The following DGKB variants were observed in gnomAD, a reference collection of about 807,000 sequenced individuals.
DGKB encodes the protein diacylglycerol kinase beta.
A neutral mutation model predicts 114.3 loss-of-function variants in DGKB; 67 were observed. The observed-to-expected ratio is 0.59, with a 90% CI of 0.48 to 0.72. The LOEUF (loss-of-function observed/expected upper bound fraction) is 0.72. Ranked by LOEUF, DGKB falls within the 30% of genes least tolerant of loss-of-function variation. The pLI is 0.00. For missense variants in DGKB, 907 were observed against 975.2 expected (o/e 0.93, Z 0.93); for synonymous variants, 398 against 323.1 (o/e 1.23, Z -2.49).
At chr7:14,333,351 C>T (rs1810062660) in intron 23 of DGKB, among the ~76,000 whole-genome samples, 1 of 151,524 alleles carries the variant, frequency 6.6e-6, no homozygotes, top group Admixed American at 6.6e-5. Context: ...GTCCCAGCTA[C>T]TCTGGAGGCT....
intron 23 of DGKB, among the ~76,000 whole-genome samples, chr7:14,261,352 G>A (rs1475502012): frequency 6.6e-6 from 1 of 151,866 alleles, no homozygotes; most frequent in Non-Finnish European, 1.5e-5. Flanking sequence ...ATAATGTATA[G>A]GTGGCCTCTT....
Position 14,658,940 on chromosome 7 carries a change from A to C in DGKB, c.1134+13989T>G, listed in dbSNP as rs116395275. ...ACTTTACTTTAAAGTTCTGGGATAC[A>C]TGCGCAGAATGTGCAGGTTTGTTCC... On this transcript the variant is annotated intron_variant, in intron 13 of 25. Transcript: ENST00000402815. 4.3e-3 allele frequency among the ~76,000 whole-genome samples: 658 copies of C among 152,042 alleles called. 1 individual carries two copies. The highest frequency in any genetic ancestry group is 0.015 in the African/African-American group (611 of 41,494).
At chr7:14,752,284 T>C (rs1336247420) in intron 4 of DGKB, among the ~76,000 whole-genome samples, 1 of 152,060 alleles carries the variant, frequency 6.6e-6, no homozygotes, top group Non-Finnish European at 1.5e-5. Flanking sequence ...AAAATATTAC[T>C]TTAGGCAGCA....
At chr7:14,554,396 G>T (rs1192077113) in intron 20 of DGKB, among the ~76,000 whole-genome samples, 2 of 151,972 alleles carry the variant, frequency 1.3e-5, no homozygotes, top group Non-Finnish European at 2.9e-5. Flanking sequence ...GTTAAATTTT[G>T]GGGACCTCTT....
At chr7:14,699,801 A>T (rs76390719) in intron 7 of DGKB, among the ~76,000 whole-genome samples, 7,312 of 152,142 alleles carry the variant, frequency 0.048, 586 homozygotes, top group African/African-American at 0.17. Flanking sequence ...GTTTAATCAA[A>T]ACTAAATATA....
At chr7:14,759,150 C>T (rs1275521517) in intron 2 of DGKB, among the ~76,000 whole-genome samples, 2 of 152,016 alleles carry the variant, frequency 1.3e-5, no homozygotes, top group African/African-American at 4.8e-5. Flanking sequence ...GTGTCGAACC[C>T]CTGACCTCAG....
intron 20 of DGKB, among the ~76,000 whole-genome samples, chr7:14,500,469 T>C (rs937955054): frequency 1.4e-5 from 2 of 142,486 alleles, no homozygotes; most frequent in Non-Finnish European, 3.0e-5. Flanking sequence ...CTAAAAAGTT[T>C]CTTTATTTTT....
intron 21 of DGKB, among the ~76,000 whole-genome samples, chr7:14,443,201 T>C (rs1830301654): frequency 6.6e-6 from 1 of 152,288 alleles, no homozygotes; most frequent in South Asian, 2.1e-4. Context: ...CCTCATGTTT[T>C]CCTTTTACCG....
intron 23 of DGKB, among the ~76,000 whole-genome samples, chr7:14,323,851 T>C (rs1808261837): frequency 6.6e-6 from 1 of 152,212 alleles, no homozygotes; most frequent in African/African-American, 2.4e-5. Flanking sequence ...GTCCATTAAA[T>C]ATACATGAAA....
chr7:14,389,545 T>C (rs1255697160), intron 21 of DGKB, among the ~76,000 whole-genome samples: 1 of 152,216 alleles, frequency 6.6e-6, no homozygotes, highest in Non-Finnish European at 1.5e-5. Context: ...TCAATAAGTA[T>C]TTCCACTTAA....
chr7:14,685,096 T>C (rs1821450842), intron 10 of DGKB, 149 bp downstream of exon 10: 1 of 441,546 alleles, frequency 2.3e-6, no homozygotes, highest in African/African-American at 2.0e-5. Flanking sequence ...ACCTAAATAT[T>C]CAAAAACACA....
chr7:14,361,031 C>G (rs1815633093), intron 21 of DGKB, among the ~76,000 whole-genome samples: 1 of 151,978 alleles, frequency 6.6e-6, no homozygotes, highest in Admixed American at 6.6e-5. Flanking sequence ...CACATTATTT[C>G]CCTTACCTAT....
chr7:14,587,479 T>C (rs1800972814), intron 17 of DGKB, among the ~76,000 whole-genome samples: 1 of 152,116 alleles, frequency 6.6e-6, no homozygotes, highest in Admixed American at 6.6e-5. Flanking sequence ...TTTAGATTAT[T>C]ACATAAATTT....
chr7:14,507,138 G>T lies in DGKB; in HGVS notation c.1771-28913C>A, dbSNP rs796300422. Among the ~76,000 whole-genome samples, 7 of 152,134 alleles carry T rather than the reference G, an allele frequency of 4.6e-5. No homozygotes were observed. In the South Asian group the frequency reaches 1.5e-3, roughly 32 times the overall value. On this transcript the variant is annotated intron_variant, in intron 20 of 25. Transcript: ENST00000402815. ...TGTGTTAAGCCATAGAGATTTGAAG[G>T]CCTGCTTGTTGTTGCAGCATAACCT...
At chr7:14,461,665 C>A (rs1833100854) in intron 21 of DGKB, among the ~76,000 whole-genome samples, 1 of 152,110 alleles carries the variant, frequency 6.6e-6, no homozygotes, top group Non-Finnish European at 1.5e-5. Context: ...CAGCCGAATT[C>A]TACCAGAGGT....
intron 13 of DGKB, among the ~76,000 whole-genome samples, chr7:14,659,134 T>C (rs1038499148): frequency 6.6e-6 from 1 of 151,938 alleles, no homozygotes; most frequent in African/African-American, 2.4e-5. Flanking sequence ...TGTGTTCTCA[T>C]TGTATTAACT....
At chr7:14,835,146 A>C (rs1846973975) in intron 2 of DGKB, among the ~76,000 whole-genome samples, 2 of 152,190 alleles carry the variant, frequency 1.3e-5, no homozygotes, top group Admixed American at 1.3e-4. Context: ...CAGAAATGAG[A>C]GACATGCACT....
intron 20 of DGKB, among the ~76,000 whole-genome samples, chr7:14,524,341 T>C (rs1790280717): frequency 6.6e-6 from 1 of 152,202 alleles, no homozygotes; most frequent in Non-Finnish European, 1.5e-5. Flanking sequence ...AATAGAGTGG[T>C]AGAAGAATAC....
intron 21 of DGKB, among the ~76,000 whole-genome samples, chr7:14,363,076 C>A (rs1563020142): frequency 1.3e-5 from 2 of 152,062 alleles, no homozygotes; most frequent in Admixed American, 1.3e-4. Flanking sequence ...GATGGAAAAC[C>A]ACTAGGAGAG....
Sources: allele counts gnomAD v4.1 joint callset (sites outside exome capture counted in the v4.1 genomes callset), GRCh38; gene constraint gnomAD v4.1.1; transcripts MANE v1.5; gene names NCBI Gene and HGNC (gene_info 2026-07-23, HGNC 2026-07-21).